PTPRD: variants seen among roughly 807,000 people sequenced by gnomAD.
The protein encoded by PTPRD is receptor-type tyrosine-protein phosphatase delta.
PTPRD carries 34 observed loss-of-function variants against 214.5 expected under a neutral mutation model. That is an observed-to-expected ratio of 0.16 (90% CI 0.12 to 0.21). The LOEUF is 0.21. Among genes scored for constraint, PTPRD ranks in the 10% least tolerant of loss-of-function variants. The pLI, the probability that PTPRD is intolerant of heterozygous loss-of-function variation, is 1.00. For missense variants in PTPRD, 2,545 were observed against 2,398.7 expected (o/e 1.06, Z -1.27); for synonymous variants, 1,128 against 845.7 (o/e 1.33, Z -5.79).
intron 9 of PTPRD, among the ~76,000 whole-genome samples, chr9:9,370,151 G>A (rs977023514): frequency 3.3e-5 from 5 of 152,086 alleles, no homozygotes; most frequent in African/African-American, 7.2e-5. Context: ...TGTGAAGAAA[G>A]TCATTGGTAG....
intron 10 of PTPRD, among the ~76,000 whole-genome samples, chr9:9,027,653 A>C (rs1044327729): frequency 1.3e-5 from 2 of 151,918 alleles, no homozygotes; most frequent in Non-Finnish European, 2.9e-5. Context: ...ATCAGAGTAC[A>C]TTTGAAAAGT....
chr9:9,186,189 C>T (rs1280340206), intron 9 of PTPRD, among the ~76,000 whole-genome samples: 1 of 152,002 alleles, frequency 6.6e-6, no homozygotes, highest in Admixed American at 6.6e-5. Flanking sequence ...AGAAGGCAGA[C>T]CCTAGTGCAT....
chr9:8,666,689 T>A (rs557473981), intron 12 of PTPRD, among the ~76,000 whole-genome samples: 3 of 152,170 alleles, frequency 2.0e-5, no homozygotes, highest in Admixed American at 6.5e-5. Context: ...GGAGACAAAA[T>A]TGTACAACAC....
intron 11 of PTPRD, among the ~76,000 whole-genome samples, chr9:8,855,129 ATT>A (rs5896267): frequency 0.16 from 23,962 of 148,392 alleles, 2,037 homozygotes; most frequent in East Asian, 0.32. Flanking sequence ...GCCTACTTGA[ATT>A]TTTTTTTTTT....
At chr9:9,046,505 G>C (rs757189370) in intron 10 of PTPRD, among the ~76,000 whole-genome samples, 9 of 152,124 alleles carry the variant, frequency 5.9e-5, no homozygotes, top group Non-Finnish European at 1.0e-4. Context: ...ACTCCAAATA[G>C]TTTAAAAAGA....
At position 9,791,935 on chromosome 9, in the gene PTPRD, A is replaced by G. The variant is rs1032168050; in HGVS notation, c.-367-25084T>C. Among the ~76,000 whole-genome samples, 22 of 151,962 alleles carry G rather than the reference A, an allele frequency of 1.4e-4. 1 individual carries two copies. In the East Asian group the frequency reaches 2.9e-3, roughly 20 times the overall value. On this transcript the variant is annotated intron_variant, in intron 5 of 45. Transcript: ENST00000381196. ...CTTGATGTACCTTGAATTTTTTTTT[A>G]TGTCTACTAAGGACACATATTTGAA...
intron 44 of PTPRD, 45 bp downstream of exon 44, chr9:8,331,537 A>AAAC (rs1841104482): frequency 1.5e-6 from 2 of 1,331,332 alleles, no homozygotes; most frequent in Non-Finnish European, 2.0e-6. Flanking sequence ...GACAATGAAG[A>AAAC]AACACCACCA....
chr9:9,223,538 T>C (rs1278374566), intron 9 of PTPRD, among the ~76,000 whole-genome samples: 1 of 152,042 alleles, frequency 6.6e-6, no homozygotes, highest in African/African-American at 2.4e-5. Flanking sequence ...ACTAGGTATA[T>C]TCTGATGAAA....
intron 3 of PTPRD, among the ~76,000 whole-genome samples, chr9:10,254,765 A>T (rs999067890): frequency 5.3e-5 from 8 of 152,164 alleles, no homozygotes. Flanking sequence ...CAGGGGTCAC[A>T]AAGACTCAAA....
chr9:9,505,659 C>G (rs1005885783), intron 8 of PTPRD, among the ~76,000 whole-genome samples: 3 of 151,408 alleles, frequency 2.0e-5, no homozygotes, highest in African/African-American at 7.3e-5. Flanking sequence ...TCTAGGCATG[C>G]TCACACAGGG....
chr9:10,109,984 A>C (rs1391780647), intron 3 of PTPRD, among the ~76,000 whole-genome samples: 2 of 152,022 alleles, frequency 1.3e-5, no homozygotes, highest in Non-Finnish European at 2.9e-5. Flanking sequence ...AAAAAAGCAG[A>C]AGAAGAAAAG....
intron 3 of PTPRD, among the ~76,000 whole-genome samples, chr9:10,037,580 GAAAAA>G (rs376794277): frequency 4.8e-5 from 4 of 83,108 alleles, no homozygotes; most frequent in Admixed American, 1.2e-4. Context: ...TATAGCAGTG[GAAAAA>G]AAAAAAAAAA....
At chr9:10,516,777 A>G (rs572854631) in intron 2 of PTPRD, among the ~76,000 whole-genome samples, 1 of 151,582 alleles carries the variant, frequency 6.6e-6, no homozygotes, top group East Asian at 1.9e-4. Context: ...GTCCAATTTT[A>G]TTATTTTGCA....
At position 8,675,581 on chromosome 9, in the gene PTPRD, C is replaced by T. The variant is rs552048442; in HGVS notation, c.65-38737G>A. 2.8e-5 allele frequency among the ~76,000 whole-genome samples: 4 copies of T among 140,412 alleles called. No individual in the cohort carries two copies. The East Asian group carries it at 8.8e-4, about 31-fold the overall frequency. 92.1% of individuals were successfully genotyped at this position (140,412 alleles called of 152,430 possible). A position where few individuals can be genotyped will look rare whatever the true frequency, so the allele number is the denominator to read the frequency against. On this transcript the variant is annotated intron_variant, in intron 12 of 45. Transcript: ENST00000381196. Reference sequence around the variant, plus strand: ...AAAAAAAACCTCACGCCTGGCAATCCTATTCCCTCCATCACACTCAATACC... The same window carrying T: ...AAAAAAAACCTCACGCCTGGCAATCTTATTCCCTCCATCACACTCAATACC...
intron 10 of PTPRD, among the ~76,000 whole-genome samples, chr9:9,096,017 G>T (rs1394280083): frequency 6.6e-6 from 1 of 152,108 alleles, no homozygotes; most frequent in African/African-American, 2.4e-5. Context: ...AAAATATTGC[G>T]TTATTCTACC....
chr9:9,989,129 G>C (rs2095825963), intron 4 of PTPRD, among the ~76,000 whole-genome samples: 1 of 150,396 alleles, frequency 6.6e-6, no homozygotes. Context: ...TTCATTTGTA[G>C]ATTCTATATT....
At chr9:8,644,553 G>T (rs946032128) in intron 12 of PTPRD, among the ~76,000 whole-genome samples, 4 of 152,188 alleles carry the variant, frequency 2.6e-5, no homozygotes, top group South Asian at 2.1e-4. Context: ...GCCCTTTGAG[G>T]ACCCCAGACC....
At chr9:10,604,071 T>C (rs969031687) in intron 2 of PTPRD, among the ~76,000 whole-genome samples, 5 of 151,584 alleles carry the variant, frequency 3.3e-5, no homozygotes, top group Non-Finnish European at 5.9e-5. Context: ...TTAAAAAACA[T>C]AGGCAGAAGA....
chr9:8,394,434 T>C (rs545791966), intron 36 of PTPRD, among the ~76,000 whole-genome samples: 1 of 152,290 alleles, frequency 6.6e-6, no homozygotes, highest in East Asian at 1.9e-4. Flanking sequence ...TAAAGTCACG[T>C]GTGCATTTTA....
Sources: gnomAD v4.1 joint callset for allele counts (sites outside exome capture counted in the v4.1 genomes callset) on GRCh38, gnomAD v4.1.1 for gene constraint, MANE v1.5 for transcripts, NCBI Gene and HGNC (gene_info 2026-07-23, HGNC 2026-07-21) for gene names.